The following DGAT2 variants were observed in gnomAD, a reference collection of about 807,000 sequenced individuals.
DGAT2 encodes the protein acyl-CoA retinol O-fatty-acyltransferase.
In DGAT2, 33 loss-of-function variants were observed where a neutral mutation model predicts 48.4. The observed-to-expected ratio is 0.68, with a 90% CI of 0.52 to 0.91. DGAT2 has a LOEUF of 0.91. Among genes scored for constraint, DGAT2 ranks in the 40% least tolerant of loss-of-function variants. DGAT2 has a pLI of 0.00. For synonymous variants in DGAT2, 191 were observed against 194.1 expected (o/e 0.98, Z 0.13); for missense variants, 446 against 493.7 (o/e 0.90, Z 0.92).
In DGAT2 at chr11:75,791,298, G is replaced by A. The variant is rs555714990; in HGVS notation, c.429+567G>A. Among the ~76,000 whole-genome samples the A allele has an allele frequency of 7.9e-5, 12 of 152,340 alleles. No individual in the cohort carries two copies. The South Asian group carries it at 2.5e-3, about 32-fold the overall frequency. On this transcript the variant is annotated intron_variant, in intron 4 of 7. Transcript: ENST00000228027. ...TGTGTTGCCTGGGGGCAGTGGCTGG[G>A]TAACCCTGCATCCTTCACTGCATTC...
In DGAT2 at chr11:75,768,800, G is replaced by A; in HGVS notation, c.-192G>A. 2 of 587,840 alleles carry A rather than the reference G, an allele frequency of 3.4e-6. No homozygotes were observed. The highest frequency in any genetic ancestry group is 4.9e-4 in the Middle Eastern group (1 of 2,052). 36.4% of individuals were successfully genotyped at this position (587,840 alleles called of 1,614,324 possible). On this transcript the variant is annotated 5_prime_UTR_variant, in exon 1 of 8. Transcript: ENST00000228027. ...AGCGCCGCGGCTGCCGCCTCTGCTG[G>A]GGTCTAGGCTGTTTCTCTCGCGCCA... is the stretch of plus-strand genomic sequence containing the variant.
In DGAT2 at chr11:75,790,533, C is replaced by A. The variant is rs1944976491; in HGVS notation, c.359-128C>A. On this transcript the variant is annotated intron_variant, in intron 3 of 7. Transcript: ENST00000228027. ...ATGAAGGAATGAATGTGGAAAGGGG[C>A]CTGATGGGAAGGGGGCATGGTGCAT... The A allele has an allele frequency of 2.8e-5, 26 of 913,138 alleles. No individual in the cohort carries two copies. In the South Asian group the frequency reaches 3.2e-4, roughly 11 times the overall value. The allele number at this position is 913,138 out of a possible 1,614,324, so 56.6% of individuals were successfully genotyped here.
chr11:75,797,711 C>A (rs1180398189), intron 6 of DGAT2, among the ~76,000 whole-genome samples: 1 of 152,154 alleles, frequency 6.6e-6, no homozygotes. Flanking sequence ...GGGGACCTTA[C>A]CTCAGGCTTT....
intron 1 of DGAT2, among the ~76,000 whole-genome samples, chr11:75,778,073 C>A (rs1401908844): frequency 6.6e-6 from 1 of 152,176 alleles, no homozygotes; most frequent in African/African-American, 2.4e-5. Context: ...GCGCTTAGTA[C>A]CTTGTATGTG....
chr11:75,772,862 T>C (rs1427122630), intron 1 of DGAT2, among the ~76,000 whole-genome samples: 3 of 152,214 alleles, frequency 2.0e-5, no homozygotes, highest in East Asian at 3.9e-4. Flanking sequence ...TGGTGGTGTG[T>C]GCCTGTAATC....
chr11:75,797,360 C>CAA, intron 6 of DGAT2, 28 bp downstream of exon 6: 1 of 1,423,808 alleles, frequency 7.0e-7, no homozygotes, highest in Non-Finnish European at 9.2e-7. Flanking sequence ...CACACACACA[C>CAA]CCCTCCAGTG....
chr11:75,769,743 C>T (rs1359382791), intron 1 of DGAT2, among the ~76,000 whole-genome samples: 2 of 152,146 alleles, frequency 1.3e-5, no homozygotes, highest in African/African-American at 4.8e-5. Flanking sequence ...CCCCCACCTC[C>T]CTTACCTAGA....
chr11:75,778,874 C>T (rs1437816490), intron 1 of DGAT2, among the ~76,000 whole-genome samples: 1 of 151,358 alleles, frequency 6.6e-6, no homozygotes, highest in Non-Finnish European at 1.5e-5. Context: ...TCCCCAAAAT[C>T]CTGTGAGGTG....
intron 1 of DGAT2, 99 bp downstream of exon 1, chr11:75,769,211 C>A: frequency 7.3e-7 from 1 of 1,376,562 alleles, no homozygotes; most frequent in South Asian, 1.6e-5. Context: ...CGTTCATTCT[C>A]CACTGTGGCA....
intron 1 of DGAT2, among the ~76,000 whole-genome samples, chr11:75,770,174 T>G (rs1590860712): frequency 6.6e-6 from 1 of 152,226 alleles, no homozygotes; most frequent in East Asian, 1.9e-4. Context: ...GTTATGAATC[T>G]TGTTTTCTCC....
intron 1 of DGAT2, among the ~76,000 whole-genome samples, chr11:75,782,204 G>A (rs1379701285): frequency 6.6e-6 from 1 of 152,166 alleles, no homozygotes; most frequent in Non-Finnish European, 1.5e-5. Context: ...TCTCACCCCA[G>A]CCCCTACCTG....
intron 6 of DGAT2, 61 bp from the exon 7 acceptor site, chr11:75,798,166 G>A (rs1945075860): frequency 6.3e-7 from 1 of 1,576,494 alleles, no homozygotes; most frequent in Admixed American, 1.7e-5. Flanking sequence ...GGGCCTCTAG[G>A]CTGACATAGA....
chr11:75,788,532 G>A (rs949084330), intron 2 of DGAT2, among the ~76,000 whole-genome samples: 3 of 152,166 alleles, frequency 2.0e-5, no homozygotes, highest in African/African-American at 7.2e-5. Flanking sequence ...TGGCTCAGGA[G>A]TCTAGAACAG....
chr11:75,769,955 T>G (rs1184865477), intron 1 of DGAT2, among the ~76,000 whole-genome samples: 1 of 152,198 alleles, frequency 6.6e-6, no homozygotes, highest in East Asian at 1.9e-4. Flanking sequence ...GGATTTTTCT[T>G]TAGTAACTAA....
At chr11:75,778,047 C>T (rs1355617178) in intron 1 of DGAT2, among the ~76,000 whole-genome samples, 20 of 152,146 alleles carry the variant, frequency 1.3e-4, no homozygotes, top group Non-Finnish European at 1.6e-4. Context: ...CTGCTGTTTC[C>T]CCAGGGCTAG....
chr11:75,787,918 C>G (rs1565317143), intron 2 of DGAT2, among the ~76,000 whole-genome samples: 1 of 152,110 alleles, frequency 6.6e-6, no homozygotes, highest in East Asian at 1.9e-4. Context: ...AAAGGCCAGG[C>G]TAGAATTCAG....
At chr11:75,771,713 T>C (rs144487790) in intron 1 of DGAT2, among the ~76,000 whole-genome samples, 2 of 152,040 alleles carry the variant, frequency 1.3e-5, no homozygotes, top group Non-Finnish European at 2.9e-5. Flanking sequence ...CCCTCTCCAA[T>C]TCCGTGTGGC....
intron 2 of DGAT2, among the ~76,000 whole-genome samples, chr11:75,789,224 A>C (rs1032795432): frequency 6.6e-6 from 1 of 151,816 alleles, no homozygotes; most frequent in Non-Finnish European, 1.5e-5. Flanking sequence ...ATCATGGCTC[A>C]CTGCAGCTTC....
Position 75,798,312 on chromosome 11 carries a change from G to A in DGAT2, c.895G>A (p.Val299Ile), listed in dbSNP as rs2135781676. The change falls in exon 7 of 8, where the codon GTC becomes ATC. Residue 299 changes from valine (V) to isoleucine (I), a missense_variant. Val to Ile is a conservative substitution (Grantham distance 29). Transcript: ENST00000228027. ...CGAGGAGGGCTCCTGGGGCCGATGGGTCCAGAAGAAGTTCCAGAAATACAT... is the reference window on the plus strand; with the variant it reads ...CGAGGAGGGCTCCTGGGGCCGATGGATCCAGAAGAAGTTCCAGAAATACAT... Reference protein sequence around the residue: ...IFEEGSWGRWVQKKFQKYIGF... With the variant: ...IFEEGSWGRWIQKKFQKYIGF... The A allele has an allele frequency of 6.2e-7, 1 of 1,614,208 alleles. No homozygotes were observed. The highest frequency in any genetic ancestry group is 1.1e-5 in the South Asian group (1 of 91,088).
Sources: gnomAD v4.1 joint callset for allele counts (sites outside exome capture counted in the v4.1 genomes callset) on GRCh38, gnomAD v4.1.1 for gene constraint, MANE v1.5 for transcripts, NCBI Gene and HGNC (gene_info 2026-07-23, HGNC 2026-07-21) for gene names.